PATJ: variants seen among roughly 807,000 people sequenced by gnomAD.
PATJ encodes PATJ crumbs cell polarity complex component.
In PATJ, 190 loss-of-function variants were observed where a neutral mutation model predicts 224.9. The ratio of observed to expected loss-of-function variants is 0.84; its 90% CI spans 0.75 to 0.95. PATJ has a LOEUF of 0.95. Among genes scored for constraint, PATJ ranks in the 40% least tolerant of loss-of-function variants. PATJ has a pLI of 0.00. For synonymous variants in PATJ, 769 were observed against 820.3 expected (o/e 0.94, Z 1.07); for missense variants, 2,121 against 2,270.3 (o/e 0.93, Z 1.34).
At chr1:62,032,185 G>A (rs1649448834) in intron 29 of PATJ, among the ~76,000 whole-genome samples, 1 of 152,038 alleles carries the variant, frequency 6.6e-6, no homozygotes, top group South Asian at 2.1e-4. Flanking sequence ...TTGCTTCCAG[G>A]CTTATTCTCT....
intron 33 of PATJ, among the ~76,000 whole-genome samples, chr1:62,093,443 G>A (rs976650911): frequency 6.6e-5 from 10 of 152,124 alleles, no homozygotes; most frequent in South Asian, 2.1e-4. Context: ...TCCCCCTGAC[G>A]TGAACTTTGT....
chr1:61,768,907 A>AG (rs1306081517), intron 4 of PATJ, among the ~76,000 whole-genome samples: 1 of 152,074 alleles, frequency 6.6e-6, no homozygotes, highest in African/African-American at 2.4e-5. Context: ...CTCCAAGAAA[A>AG]AAAATAAAAT....
At chr1:61,927,631 T>C in intron 26 of PATJ, 99 bp from the exon 27 acceptor site, 1 of 716,340 alleles carries the variant, frequency 1.4e-6, no homozygotes, top group Non-Finnish European at 2.4e-6. Flanking sequence ...TTGGGTATGG[T>C]CTAAATATTT....
intron 21 of PATJ, among the ~76,000 whole-genome samples, chr1:61,877,849 C>T (rs1440650250): frequency 1.3e-5 from 2 of 152,158 alleles, no homozygotes; most frequent in Non-Finnish European, 2.9e-5. Context: ...TTTTTCTAAC[C>T]TCTGTACCCC....
chr1:61,948,661 C>A (rs144873870), intron 27 of PATJ, among the ~76,000 whole-genome samples: 6,585 of 152,216 alleles, frequency 0.043, 528 homozygotes, highest in African/African-American at 0.15. Flanking sequence ...TGTGGTGATT[C>A]CTCAAGGATT....
intron 33 of PATJ, among the ~76,000 whole-genome samples, chr1:62,105,286 T>C (rs1333315724): frequency 6.6e-6 from 1 of 152,192 alleles, no homozygotes; most frequent in Non-Finnish European, 1.5e-5. Flanking sequence ...ATTTTCTATT[T>C]GCCTTTTGTA....
rs1421409443 is a variant in PATJ at position 62,000,195 on chromosome 1, TTTTTG to T, written c.3867+9836_3867+9840del. 1.0e-3 allele frequency among the ~76,000 whole-genome samples: 146 copies of T among 142,884 alleles called. 2 individuals carry two copies. The East Asian group carries it at 0.018, about 17-fold the overall frequency. 93.7% of individuals were successfully genotyped at this position (142,884 alleles called of 152,430 possible). A position where few individuals can be genotyped will look rare whatever the true frequency, so the allele number is the denominator to read the frequency against. On this transcript the variant is annotated intron_variant, in intron 28 of 43. Transcript: ENST00000642238. ...ACAGCCACCGTGCCCAGCCTAGAGT[TTTTTG>T]TTTTTTTTTTTTTATACTTTAAGTT...
chr1:61,887,510 G>A (rs1222566576), intron 22 of PATJ, among the ~76,000 whole-genome samples: 1 of 152,158 alleles, frequency 6.6e-6, no homozygotes. Context: ...CCACCTAGTG[G>A]TAGGGAGTTT....
chr1:61,795,831 C>G (rs1014282109), intron 10 of PATJ, among the ~76,000 whole-genome samples: 1 of 152,032 alleles, frequency 6.6e-6, no homozygotes, highest in Non-Finnish European at 1.5e-5. Context: ...CTAGCATTAT[C>G]CTAGAAAACC....
At chr1:61,828,340 A>G (rs572738186) in intron 16 of PATJ, among the ~76,000 whole-genome samples, 5 of 151,728 alleles carry the variant, frequency 3.3e-5, no homozygotes, top group African/African-American at 4.8e-5. Flanking sequence ...ATAACACTTT[A>G]TATGCTCTTG....
intron 1 of PATJ, among the ~76,000 whole-genome samples, chr1:61,754,235 C>T (rs1645492337): frequency 6.6e-6 from 1 of 152,176 alleles, no homozygotes; most frequent in Non-Finnish European, 1.5e-5. Flanking sequence ...TGAAATCCCC[C>T]TCCATAAGCC....
intron 31 of PATJ, among the ~76,000 whole-genome samples, chr1:62,076,631 C>T (rs576893990): frequency 1.3e-5 from 2 of 152,278 alleles, no homozygotes; most frequent in East Asian, 3.9e-4. Context: ...TCAATTCCAC[C>T]AGTATCTATC....
intron 27 of PATJ, among the ~76,000 whole-genome samples, chr1:61,948,030 G>A (rs967261077): frequency 2.6e-4 from 39 of 152,258 alleles, no homozygotes; most frequent in African/African-American, 8.9e-4. Context: ...GCTGAAACTG[G>A]ATCCTTCCTT....
chr1:61,906,803 G>GCAGC (rs1164152932), intron 24 of PATJ, among the ~76,000 whole-genome samples: 11 of 152,140 alleles, frequency 7.2e-5, no homozygotes, highest in Non-Finnish European at 1.5e-4. Flanking sequence ...AAGCTCATGA[G>GCAGC]CAGCCACTCA....
intron 27 of PATJ, among the ~76,000 whole-genome samples, chr1:61,971,326 T>C (rs1469240987): frequency 6.6e-6 from 1 of 152,206 alleles, no homozygotes; most frequent in East Asian, 1.9e-4. Context: ...TAAGATTTTG[T>C]TAGTGTCTGG....
chr1:62,079,383 G>A, intron 31 of PATJ, 67 bp from the exon 32 acceptor site: 1 of 950,760 alleles, frequency 1.1e-6, no homozygotes, highest in Non-Finnish European at 1.7e-6. Context: ...CAATACACCA[G>A]TTTTAAAGTA....
At chr1:61,761,316 A>G (rs1286825) in intron 1 of PATJ, among the ~76,000 whole-genome samples, 140,698 of 152,122 alleles carry the variant, frequency 0.92, 65,718 homozygotes, top group East Asian at 1. Flanking sequence ...TGTGTAAACC[A>G]TACCCCCTTC....
intron 24 of PATJ, among the ~76,000 whole-genome samples, chr1:61,907,091 C>T (rs1198034661): frequency 6.6e-6 from 1 of 152,126 alleles, no homozygotes; most frequent in African/African-American, 2.4e-5. Context: ...GGCACTTCTC[C>T]TTCCTGCCAC....
intron 33 of PATJ, 116 bp from the exon 34 acceptor site, chr1:62,108,321 T>A (rs1663359415): frequency 9.5e-6 from 5 of 527,992 alleles, no homozygotes; most frequent in Non-Finnish European, 1.7e-5. Context: ...TATCTTTATG[T>A]CAGATAAAAT....
Sources: allele counts gnomAD v4.1 joint callset (sites outside exome capture counted in the v4.1 genomes callset), GRCh38; gene constraint gnomAD v4.1.1; transcripts MANE v1.5; gene names NCBI Gene and HGNC (gene_info 2026-07-23, HGNC 2026-07-21).